EHD4: variants seen among roughly 807,000 people sequenced by gnomAD.
EHD4 encodes EH domain containing 4, also known as EH domain-containing protein 4.
EHD4 carries 37 observed loss-of-function variants against 51.0 expected under a neutral mutation model. The observed-to-expected ratio is 0.73, with a 90% CI of 0.56 to 0.95. The LOEUF (loss-of-function observed/expected upper bound fraction) is 0.95. EHD4 is among the 40% of genes least tolerant of loss of function. EHD4 has a pLI of 0.00. For synonymous variants in EHD4, 297 were observed against 317.3 expected, an observed-to-expected ratio of 0.94 and a Z score of 0.68; for missense variants, 632 against 733.1, an observed-to-expected ratio of 0.86 and a Z score of 1.59.
chr15:41,943,236 G>T, intron 2 of EHD4, 72 bp from the exon 3 acceptor site: 4 of 1,181,268 alleles, frequency 3.4e-6, no homozygotes, highest in Non-Finnish European at 4.8e-6. Context: ...GGGCTTCTTG[G>T]CCTCTCTGGG....
chr15:41,915,704 C>T (rs2067578894), intron 4 of EHD4, among the ~76,000 whole-genome samples: 1 of 152,154 alleles, frequency 6.6e-6, no homozygotes, highest in Non-Finnish European at 1.5e-5. Flanking sequence ...AAGTAAATGA[C>T]ATGTTCCAAA....
rs1403664541 is a variant in EHD4, at chr15:41,959,219, C to T, written c.237-5279G>A. The stretch of plus-strand genomic sequence containing the variant: ...CATCCTGGCTAACACGGTGAAACCC[C>T]GTCTCTACTAAAAATACAAAAATAA... On this transcript the variant is annotated intron_variant, in intron 1 of 5. Transcript: ENST00000220325. 4.6e-5 allele frequency among the ~76,000 whole-genome samples: 7 copies of T among 151,674 alleles called. No homozygotes were observed. In the East Asian group the frequency reaches 7.8e-4, roughly 17 times the overall value.
At position 41,898,944 on chromosome 15, in the gene EHD4, T is replaced by A. The variant is rs1201475311; in HGVS notation, c.*1701A>T. On this transcript the variant is annotated 3_prime_UTR_variant, in exon 6 of 6. Transcript: ENST00000220325. Reference sequence around the variant, plus strand: ...GTTATGCATTTCCTGCTCTTAAAACTAAATTATGTAGAAAGTAAGCTAGGG... The same window carrying A: ...GTTATGCATTTCCTGCTCTTAAAACAAAATTATGTAGAAAGTAAGCTAGGG... The A allele has an allele frequency of 1.3e-5, 2 of 152,178 alleles. No individual in the cohort carries two copies. The highest frequency in any genetic ancestry group is 2.9e-5 in the Non-Finnish European group (2 of 68,028). The allele number at this position is 152,178 out of a possible 1,614,324, so 9.4% of individuals were successfully genotyped here. A position where few individuals can be genotyped will look rare whatever the true frequency, so the allele number is the denominator to read the frequency against.
At chr15:41,966,905 TC>T (rs1483683327) in intron 1 of EHD4, among the ~76,000 whole-genome samples, 1 of 152,154 alleles carries the variant, frequency 6.6e-6, no homozygotes, top group African/African-American at 2.4e-5. Context: ...CTGCTTCCTC[TC>T]ACTTAAGAGT....
rs1648954008 is a variant in EHD4 at position 41,899,905 on chromosome 15, T to C, written c.*740A>G. ...TTTTGCCAGGGGTTAATAAAGGTTGTGAATTCCAAATTCCTAGCCGAATAT... is the reference window on the plus strand; with the variant it reads ...TTTTGCCAGGGGTTAATAAAGGTTGCGAATTCCAAATTCCTAGCCGAATAT... On this transcript the variant is annotated 3_prime_UTR_variant, in exon 6 of 6. Transcript: ENST00000220325. 6.6e-6 allele frequency: 1 copy of C among 152,256 alleles called. No homozygotes were observed. Among genetic ancestry groups the C allele is most frequent in the African/African-American group, 2.4e-5 (1 of 41,470 alleles). 9.4% of individuals were successfully genotyped at this position (152,256 alleles called of 1,614,324 possible). A position where few individuals can be genotyped will look rare whatever the true frequency, so the allele number is the denominator to read the frequency against.
intron 3 of EHD4, among the ~76,000 whole-genome samples, chr15:41,935,532 G>GA (rs2067726348): frequency 6.6e-6 from 1 of 151,986 alleles, no homozygotes; most frequent in Admixed American, 6.5e-5. Flanking sequence ...ATTGCTAAAG[G>GA]AAAAAAATAG....
At chr15:41,961,091 C>CTACTAAGG (rs2067921634) in intron 1 of EHD4, among the ~76,000 whole-genome samples, 1 of 152,162 alleles carries the variant, frequency 6.6e-6, no homozygotes, top group South Asian at 2.1e-4. Context: ...ACTGCTGTGC[C>CTACTAAGG]TACTAAGGGA....
chr15:41,903,453 TACACACACACACACACAC>T (rs146543286), intron 5 of EHD4, among the ~76,000 whole-genome samples: 1 of 144,384 alleles, frequency 6.9e-6, no homozygotes, highest in Non-Finnish European at 1.5e-5. Flanking sequence ...TTAACATACA[TACACACACACACACACAC>T]ACACACACAC....
chr15:41,949,901 T>C (rs1225082509), intron 2 of EHD4, among the ~76,000 whole-genome samples: 1 of 152,120 alleles, frequency 6.6e-6, no homozygotes, highest in African/African-American at 2.4e-5. Context: ...TCTCAGAGGA[T>C]CCAATGCTCT....
rs1354282654 is a variant in EHD4, at chr15:41,953,858, C to T, written c.319G>A (p.Glu107Lys). 1 of 1,614,106 alleles carries T rather than the reference C, an allele frequency of 6.2e-7. No homozygotes were observed. Among genetic ancestry groups the T allele is most frequent in the South Asian group, 1.1e-5 (1 of 91,068 alleles). The change falls in exon 2 of 6, where the codon GAG becomes AAG. Residue 107 changes from glutamate (E) to lysine (K), a missense_variant. Glu to Lys is a moderately conservative substitution (Grantham distance 56). Transcript: ENST00000220325. ...TTCCCTGGGGTGCTGCCCTCAGTCT[C>T]TCCATACATCACGGCGATGAAGGAG... ...TDSFIAVMYG[E>K]TEGSTPGNAL...
At position 41,940,571 on chromosome 15, in the gene EHD4, T is replaced by C. The variant is rs571944872; in HGVS notation, c.511+2496A>G. 4.6e-5 allele frequency among the ~76,000 whole-genome samples: 7 copies of C among 152,326 alleles called. No individual in the cohort carries two copies. The South Asian group carries it at 8.3e-4, about 18-fold the overall frequency. On this transcript the variant is annotated intron_variant, in intron 3 of 5. Transcript: ENST00000220325. The stretch of plus-strand genomic sequence containing the variant: ...ACAGCTGTGGCCCGTCGTGCTGTCA[T>C]CGCTTGTGGCTCTGGGTCCTTCCCC...
chr15:41,903,577 A>G (rs992940352), intron 5 of EHD4, among the ~76,000 whole-genome samples: 3 of 152,138 alleles, frequency 2.0e-5, no homozygotes, highest in African/African-American at 7.2e-5. Flanking sequence ...TAACAGTTAC[A>G]GAATATTGAA....
In EHD4 at chr15:41,958,556, G is replaced by A. The variant is rs143867513; in HGVS notation, c.237-4616C>T. ...TTTTTTTCACTTCATAGAAGTGAAT[G>A]TCATTTATGACAAGGGGAAGAAAAA... On this transcript the variant is annotated intron_variant, in intron 1 of 5. Transcript: ENST00000220325. Among the ~76,000 whole-genome samples the A allele has an allele frequency of 2.9e-3, 436 of 151,838 alleles. 1 individual carries two copies. The highest frequency in any genetic ancestry group is 9.9e-3 in the African/African-American group (410 of 41,354).
chr15:41,919,248 T>G lies in EHD4; in HGVS notation c.886A>C (p.Lys296Gln). 6.2e-7 allele frequency: 1 copy of G among 1,614,124 alleles called. No homozygotes were observed. The highest frequency in any genetic ancestry group is 8.5e-7 in the Non-Finnish European group (1 of 1,180,036). ...GCTCGCTTGATGAGGTCGTTGAGCTTGCGCACCGCTGCCTTCTGGGGGAGG... is the reference window on the plus strand; with the variant it reads ...GCTCGCTTGATGAGGTCGTTGAGCTGGCGCACCGCTGCCTTCTGGGGGAGG... The part of the protein sequence containing the change: ...QSLPQKAAVR[K>Q]LNDLIKRARL... The change falls in exon 4 of 6, where the codon AAG becomes CAG. Residue 296 changes from lysine to glutamine, a missense_variant. By Grantham distance (53) the Lys-to-Gln change is moderately conservative. Transcript: ENST00000220325.
At chr15:41,928,236 T>C (rs1337336173) in intron 3 of EHD4, 1 of 152,350 alleles carries the variant, frequency 6.6e-6, no homozygotes, top group East Asian at 1.9e-4. Flanking sequence ...CAGCAAATAT[T>C]TACTTAGCTC....
At chr15:41,905,569 C>T (rs1401260302) in intron 5 of EHD4, among the ~76,000 whole-genome samples, 1 of 152,206 alleles carries the variant, frequency 6.6e-6, no homozygotes, top group Non-Finnish European at 1.5e-5. Context: ...AAATATCAGA[C>T]ATCAGATAAT....
At chr15:41,972,201 G>A in intron 1 of EHD4, 58 bp downstream of exon 1, 1 of 1,342,556 alleles carries the variant, frequency 7.4e-7, no homozygotes, top group Non-Finnish European at 9.6e-7. Context: ...GCCGACTGCG[G>A]CGCACACGTG....
intron 3 of EHD4, among the ~76,000 whole-genome samples, chr15:41,941,244 T>C (rs2067767597): frequency 2.6e-5 from 4 of 152,332 alleles, no homozygotes; most frequent in Middle Eastern, 3.4e-3. Context: ...ATGAACTATA[T>C]TATGTCACTT....
intron 1 of EHD4, among the ~76,000 whole-genome samples, chr15:41,960,920 G>A (rs991269390): frequency 7.0e-4 from 106 of 152,190 alleles, no homozygotes; most frequent in African/African-American, 2.5e-3. Context: ...TGATCTGCCC[G>A]CCTCAGCCTT....
Sources: allele counts gnomAD v4.1 joint callset (sites outside exome capture counted in the v4.1 genomes callset), GRCh38; gene constraint gnomAD v4.1.1; transcripts MANE v1.5; gene names NCBI Gene and HGNC (gene_info 2026-07-23, HGNC 2026-07-21).